Variants in CHD9NB observed in about 807,000 individuals in gnomAD.
The protein encoded by CHD9NB is CHD9 neighbor.
At chr16:53,052,064 A>C in the CHD9NB span, among the ~76,000 whole-genome samples, 2 of 151,574 alleles carry the variant, frequency 1.3e-5, no homozygotes, top group African/African-American at 4.9e-5. Context: ...TGAAGATTAA[A>C]CTAAATTGTC....
the CHD9NB span, among the ~76,000 whole-genome samples, chr16:53,042,577 C>T: frequency 1.3e-5 from 2 of 148,568 alleles, no homozygotes; most frequent in East Asian, 4.0e-4. Context: ...CCCTCTCCGT[C>T]TCTTCCTCCC....
At chr16:53,043,498 G>A in the CHD9NB span, 2 of 152,262 alleles carry the variant, frequency 1.3e-5, no homozygotes, top group Non-Finnish European at 2.9e-5. Context: ...CATAGGGTGT[G>A]GAGTGAGCCA....
chr16:53,042,315 C>G, the CHD9NB span, among the ~76,000 whole-genome samples: 1 of 148,200 alleles, frequency 6.7e-6, no homozygotes, highest in Non-Finnish European at 1.5e-5. Flanking sequence ...TCCGTCTCCC[C>G]TCTCCTTCTC....
the CHD9NB span, among the ~76,000 whole-genome samples, chr16:53,036,933 C>T: frequency 6.6e-6 from 1 of 151,994 alleles, no homozygotes; most frequent in Non-Finnish European, 1.5e-5. Context: ...CTCACGTTGG[C>T]TTCATCAAAT....
At chr16:53,038,713 T>C in the CHD9NB span, among the ~76,000 whole-genome samples, 17 of 152,252 alleles carry the variant, frequency 1.1e-4, no homozygotes, top group African/African-American at 3.9e-4. Flanking sequence ...GGGGTTTTAT[T>C]GTAGGGGAGA....
the CHD9NB span, among the ~76,000 whole-genome samples, chr16:53,050,065 G>A: frequency 3.9e-5 from 6 of 152,180 alleles, no homozygotes; most frequent in East Asian, 1.9e-4. Context: ...TTAGCCAGTC[G>A]TGGTGGTAGG....
At chr16:53,037,218 G>A in the CHD9NB span, among the ~76,000 whole-genome samples, 26 of 152,302 alleles carry the variant, frequency 1.7e-4, no homozygotes, top group Admixed American at 8.5e-4. Context: ...ACAGGCGTGA[G>A]CCACTGCGCC....
At chr16:53,036,032 A>G in the CHD9NB span, 1 of 152,010 alleles carries the variant, frequency 6.6e-6, no homozygotes, top group Non-Finnish European at 1.5e-5. Context: ...ACCACATATT[A>G]ACTTGGCTAC....
chr16:53,048,903 T>A, the CHD9NB span, among the ~76,000 whole-genome samples: 1 of 152,236 alleles, frequency 6.6e-6, no homozygotes, highest in Admixed American at 6.5e-5. Context: ...AGTAGGTATA[T>A]AAGCCTTTGG....
chr16:53,044,053 C>T, the CHD9NB span: 1 of 398,826 alleles, frequency 2.5e-6, no homozygotes, highest in Non-Finnish European at 4.4e-6. Context: ...TTGCAGTCTG[C>T]TGCCTGGGTG....
chr16:53,042,319 CCTT>C, the CHD9NB span, among the ~76,000 whole-genome samples: 56 of 149,018 alleles, frequency 3.8e-4, no homozygotes, highest in Non-Finnish European at 7.3e-4. Flanking sequence ...TCTCCCCTCT[CCTT>C]CTCTCCCTCT....
the CHD9NB span, among the ~76,000 whole-genome samples, chr16:53,040,127 T>C: frequency 1.3e-5 from 2 of 152,210 alleles, no homozygotes; most frequent in African/African-American, 4.8e-5. Context: ...TGCATGGTCA[T>C]GGTGCAATCT....
At chr16:53,049,413 T>A in the CHD9NB span, among the ~76,000 whole-genome samples, 2 of 151,688 alleles carry the variant, frequency 1.3e-5, no homozygotes, top group African/African-American at 4.9e-5. Context: ...TGGCATCAAG[T>A]GATCCTCCTG....
At chr16:53,050,221 C>T in the CHD9NB span, among the ~76,000 whole-genome samples, 1 of 152,062 alleles carries the variant, frequency 6.6e-6, no homozygotes, top group African/African-American at 2.4e-5. Flanking sequence ...ATAACTGCTT[C>T]CTGGGCTGTG....
the CHD9NB span, among the ~76,000 whole-genome samples, chr16:53,044,523 A>G: frequency 1.3e-5 from 2 of 152,194 alleles, no homozygotes; most frequent in African/African-American, 2.4e-5. Flanking sequence ...CCCTGTCACT[A>G]TGCAACGGGC....
chr16:53,050,539 G>A, the CHD9NB span, among the ~76,000 whole-genome samples: 4 of 152,042 alleles, frequency 2.6e-5, no homozygotes, highest in Admixed American at 1.3e-4. Context: ...TTGCTTCCTG[G>A]GATTTTTGGA....
At chr16:53,041,178 C>T in the CHD9NB span, among the ~76,000 whole-genome samples, 5 of 152,230 alleles carry the variant, frequency 3.3e-5, no homozygotes, top group Non-Finnish European at 5.9e-5. Flanking sequence ...GATACGTTAA[C>T]TAATAAACCT....
chr16:53,041,720 G>A, the CHD9NB span, among the ~76,000 whole-genome samples: 1 of 151,920 alleles, frequency 6.6e-6, no homozygotes, highest in African/African-American at 2.4e-5. Context: ...ACCATGCACA[G>A]TCCTGTTTTG....
chr16:53,044,525 G>A, the CHD9NB span, among the ~76,000 whole-genome samples: 2 of 152,170 alleles, frequency 1.3e-5, no homozygotes, highest in African/African-American at 4.8e-5. Flanking sequence ...CTGTCACTAT[G>A]CAACGGGCTG....
Sources: gnomAD v4.1 joint callset for allele counts (sites outside exome capture counted in the v4.1 genomes callset) on GRCh38, gnomAD v4.1.1 for gene constraint, MANE v1.5 for transcripts, NCBI Gene and HGNC (gene_info 2026-07-23, HGNC 2026-07-21) for gene names.